Variants in ZNF280D observed in about 807,000 individuals in gnomAD.
The protein encoded by ZNF280D is suppressor of hairy wing homolog 4.
In ZNF280D, 39 loss-of-function variants were observed where a neutral mutation model predicts 94.7. The observed-to-expected ratio is 0.41, with a 90% CI of 0.32 to 0.54. The LOEUF (loss-of-function observed/expected upper bound fraction) is 0.54, where lower values mean the gene tolerates loss of function less well. ZNF280D is among the 20% of genes least tolerant of loss of function. ZNF280D has a pLI of 0.22. For synonymous variants in ZNF280D, 398 were observed against 377.6 expected, an observed-to-expected ratio of 1.05 and a Z score of -0.63; for missense variants, 1,090 against 1,149.3, an observed-to-expected ratio of 0.95 and a Z score of 0.75.
At chr15:56,645,108 A>G (rs928883164) in intron 19 of ZNF280D, 6 of 152,188 alleles carry the variant, frequency 3.9e-5, no homozygotes, top group Non-Finnish European at 7.4e-5. Flanking sequence ...CATCATTAAC[A>G]CTTTTAGAAA....
In ZNF280D at chr15:56,707,064, T is replaced by C; in HGVS notation, c.28+18A>G. 1 of 1,613,240 alleles carries C rather than the reference T, an allele frequency of 6.2e-7. No individual in the cohort carries two copies. The highest frequency in any genetic ancestry group is 1.1e-5 in the South Asian group (1 of 91,066). ...AAAAGCCACATATATTAGTATTAGT[T>C]GTGGCAGCAACACTTACTTTTTGGT... On this transcript the variant is annotated intron_variant, in intron 3 of 21. Coordinates refer to ENST00000267807, the MANE Select transcript of ZNF280D (RefSeq NM_017661.4).
intron 6 of ZNF280D, among the ~76,000 whole-genome samples, chr15:56,697,139 A>AT (rs2056798229): frequency 6.6e-6 from 1 of 152,074 alleles, no homozygotes; most frequent in African/African-American, 2.4e-5. Context: ...ATAGCAAAGA[A>AT]TTTTTACATT....
At position 56,682,578 on chromosome 15, in the gene ZNF280D, TA is replaced by T. The variant is rs2055703408; in HGVS notation, c.781-102del. 1.3e-5 allele frequency: 9 copies of T among 697,576 alleles called. No homozygotes were observed. The South Asian group carries it at 2.1e-4, about 16-fold the overall frequency. The allele number at this position is 697,576 out of a possible 1,614,324, so 43.2% of individuals were successfully genotyped here. The stretch of plus-strand genomic sequence containing the variant: ...GTGTTTACACCTAAGGCCAGACCAT[TA>T]AAACTATGCTTGTAATATATCTAGA... On this transcript the variant is annotated intron_variant, in intron 9 of 21. Coordinates refer to ENST00000267807, the MANE Select transcript of ZNF280D (RefSeq NM_017661.4).
At chr15:56,718,305 T>A (rs1047531426) in intron 1 of ZNF280D, among the ~76,000 whole-genome samples, 1 of 152,078 alleles carries the variant, frequency 6.6e-6, no homozygotes, top group South Asian at 2.1e-4. Context: ...TCAAAACAAG[T>A]ATATTCTTTA....
chr15:56,730,659 T>G (rs1227740730), intron 1 of ZNF280D: 1 of 152,250 alleles, frequency 6.6e-6, no homozygotes, highest in African/African-American at 2.4e-5. Flanking sequence ...GACATCTACT[T>G]TCTGCCTCCT....
chr15:56,667,057 A>T, intron 14 of ZNF280D, 71 bp from the exon 15 acceptor site: 1 of 1,178,532 alleles, frequency 8.5e-7, no homozygotes, highest in South Asian at 2.3e-5. Context: ...TCATGGTACA[A>T]AAATAGTTAA....
At chr15:56,653,402 T>A (rs544205271) in intron 19 of ZNF280D, 1 of 1,363,694 alleles carries the variant, frequency 7.3e-7, no homozygotes, top group South Asian at 1.8e-5. Flanking sequence ...AACATCAGCC[T>A]TATGGGAGGC....
At chr15:56,694,294 TACACACACACACACACACAC>T (rs57017142) in intron 6 of ZNF280D, among the ~76,000 whole-genome samples, 17 of 138,508 alleles carry the variant, frequency 1.2e-4, no homozygotes, top group African/African-American at 4.0e-4. Flanking sequence ...TAATGACACA[TACACACACACACACACACAC>T]ACACACACAC....
chr15:56,659,390 C>T (rs574783556), intron 16 of ZNF280D, among the ~76,000 whole-genome samples: 1 of 152,032 alleles, frequency 6.6e-6, no homozygotes, highest in East Asian at 1.9e-4. Context: ...TCCTCACCAC[C>T]GTTAACCACA....
intron 1 of ZNF280D, among the ~76,000 whole-genome samples, chr15:56,720,668 GA>G (rs1245008628): frequency 6.6e-6 from 1 of 152,104 alleles, no homozygotes; most frequent in Non-Finnish European, 1.5e-5. Flanking sequence ...ACTGAAAGTT[GA>G]AATGACTCCT....
chr15:56,642,344 T>C (rs989535), intron 20 of ZNF280D, among the ~76,000 whole-genome samples: 151,579 of 151,776 alleles, frequency 1, 75,692 homozygotes, highest in Middle Eastern at 1. Context: ...AAGATAAATG[T>C]CAAATCTACC....
intron 19 of ZNF280D, among the ~76,000 whole-genome samples, chr15:56,646,971 T>C (rs79261852): frequency 0.013 from 1,985 of 152,212 alleles, 38 homozygotes; most frequent in Non-Finnish European, 0.017. Context: ...AATATGAGAA[T>C]TGGTGGTCTC....
At chr15:56,633,633 G>C (rs745463678) in intron 21 of ZNF280D, among the ~76,000 whole-genome samples, 1 of 151,916 alleles carries the variant, frequency 6.6e-6, no homozygotes, top group Non-Finnish European at 1.5e-5. Context: ...TGGGATTACA[G>C]GCACGTGCCA....
chr15:56,722,204 A>G (rs1345800770), intron 1 of ZNF280D, among the ~76,000 whole-genome samples: 3 of 152,226 alleles, frequency 2.0e-5, no homozygotes, highest in African/African-American at 7.2e-5. Context: ...TTACAATAGT[A>G]ACATTAAAGA....
At chr15:56,700,239 G>A in intron 6 of ZNF280D, 1 of 913,232 alleles carries the variant, frequency 1.1e-6, no homozygotes, top group Non-Finnish European at 1.3e-6. Context: ...TATGGGTTAG[G>A]CTGGATTGAA....
At chr15:56,668,715 T>C (rs988318861) in intron 14 of ZNF280D, 108 bp downstream of exon 14, 1 of 1,075,534 alleles carries the variant, frequency 9.3e-7, no homozygotes, top group African/African-American at 1.7e-5. Context: ...AATTAGAGTC[T>C]GAGCAAAAAT....
At chr15:56,688,217 A>C (rs1339718895) in intron 9 of ZNF280D, among the ~76,000 whole-genome samples, 1 of 152,070 alleles carries the variant, frequency 6.6e-6, no homozygotes, top group African/African-American at 2.4e-5. Flanking sequence ...TCTTGTACCA[A>C]TAAAAAGCTC....
At position 56,654,212 on chromosome 15, in the gene ZNF280D, A is replaced by G; in HGVS notation, c.2199T>C (p.Ser733=). Residue 733 remains serine (S), a synonymous_variant, in exon 19 of 22, where the codon TCT becomes TCC. Transcript: ENST00000267807. ...ATTAAACTTACTCAGAAAGGTGCTC[A>G]GAAGTTGGGATACAAACAGAAACTG... ...MQKVSVCIPT[S]EHLSELKKEA... 1 of 1,611,086 alleles carries G rather than the reference A, an allele frequency of 6.2e-7. No homozygotes were observed. Among genetic ancestry groups the G allele is most frequent in the Non-Finnish European group, 8.5e-7 (1 of 1,179,222 alleles).
intron 9 of ZNF280D, among the ~76,000 whole-genome samples, chr15:56,686,833 AAT>A (rs1290924683): frequency 8.4e-6 from 1 of 118,450 alleles, no homozygotes; most frequent in Non-Finnish European, 1.7e-5. Context: ...AATGAGAAAA[AAT>A]AATCTTAAAG....
Sources: allele counts gnomAD v4.1 joint callset (sites outside exome capture counted in the v4.1 genomes callset), GRCh38; gene constraint gnomAD v4.1.1; transcripts MANE v1.5; gene names NCBI Gene and HGNC (gene_info 2026-07-23, HGNC 2026-07-21).